Variants in WIPI2 observed in about 807,000 individuals in gnomAD.
The protein encoded by WIPI2 is WD repeat domain phosphoinositide-interacting protein 2.
A neutral mutation model predicts 52.3 loss-of-function variants in WIPI2; 28 were observed. That is an observed-to-expected ratio of 0.54 (90% CI 0.40 to 0.73). The LOEUF (loss-of-function observed/expected upper bound fraction) is 0.73. Among genes scored for constraint, WIPI2 ranks in the 30% least tolerant of loss-of-function variants. The probability of loss-of-function intolerance (pLI) is 0.00; values close to 1 mark genes in which losing one functional copy is unlikely to be tolerated. For synonymous variants in WIPI2, 268 were observed against 245.0 expected (o/e 1.09, Z -0.88); for missense variants, 506 against 602.9 (o/e 0.84, Z 1.68).
Position 5,230,748 on chromosome 7 carries a change from G to A in WIPI2, c.1253-87G>A. 3.2e-6 allele frequency: 3 copies of A among 936,278 alleles called. No individual in the cohort carries two copies. Among genetic ancestry groups the A allele is most frequent in the South Asian group, 3.7e-5 (2 of 54,658 alleles). 58.0% of individuals were successfully genotyped at this position (936,278 alleles called of 1,614,324 possible). On this transcript the variant is annotated intron_variant, in intron 12 of 12. Coordinates refer to ENST00000288828, the MANE Select transcript of WIPI2 (RefSeq NM_015610.4). This position sits in a 1 kb window ranked among gnomAD's most constrained non-coding sequence, Gnocchi z 4.8. ...CTTCAGTTTATAAATATACACCAGT[G>A]TTTCCAAAACACAGTCCTCAGTGTG...
intron 3 of WIPI2, among the ~76,000 whole-genome samples, chr7:5,211,559 C>T (rs372131855): frequency 6.8e-4 from 104 of 152,334 alleles, no homozygotes; most frequent in African/African-American, 2.5e-3. Flanking sequence ...GAAACCTTAC[C>T]TAGCAGGTGA....
At chr7:5,223,414 C>T (rs769857277) in intron 8 of WIPI2, among the ~76,000 whole-genome samples, 2 of 152,184 alleles carry the variant, frequency 1.3e-5, no homozygotes, top group Non-Finnish European at 2.9e-5. Flanking sequence ...GCCATCTGGT[C>T]CCCTTTCCTC....
intron 3 of WIPI2, 86 bp from the exon 4 acceptor site, chr7:5,214,449 C>T: frequency 6.2e-7 from 1 of 1,613,364 alleles, no homozygotes; most frequent in Non-Finnish European, 8.5e-7. Flanking sequence ...GTCGCCCAGG[C>T]AGGTGTTTGT....
At chr7:5,215,540 G>C (rs1184119239) in intron 4 of WIPI2, among the ~76,000 whole-genome samples, 1 of 152,216 alleles carries the variant, frequency 6.6e-6, no homozygotes, top group Non-Finnish European at 1.5e-5. Context: ...CTGGCAATCT[G>C]ATTCTGCCCG....
intron 4 of WIPI2, 150 bp downstream of exon 4, chr7:5,214,854 C>A (rs1221382399): frequency 1.9e-5 from 17 of 889,220 alleles, no homozygotes; most frequent in African/African-American, 1.7e-4. Context: ...GAGACCAGCT[C>A]TGTTTCCTCA....
chr7:5,203,072 A>G (rs1372001203), intron 3 of WIPI2, among the ~76,000 whole-genome samples: 2 of 152,188 alleles, frequency 1.3e-5, no homozygotes, highest in Admixed American at 1.3e-4. Flanking sequence ...TGCGTTGATT[A>G]TGGAAGTGTA....
intron 3 of WIPI2, among the ~76,000 whole-genome samples, chr7:5,209,499 T>C (rs1782451868): frequency 6.6e-6 from 1 of 152,246 alleles, no homozygotes; most frequent in Non-Finnish European, 1.5e-5. Context: ...CTACCATGAA[T>C]GAGCATTGCA....
chr7:5,202,330 C>G (rs989913557), intron 3 of WIPI2, among the ~76,000 whole-genome samples: 1 of 152,174 alleles, frequency 6.6e-6, no homozygotes, highest in African/African-American at 2.4e-5. Context: ...TAATTTCAAA[C>G]TTGAAAGTTG....
rs1267451697 is a variant in WIPI2, at chr7:5,227,525, C to T, written c.1013+181C>T. ...CAGGCACTAGGCTTGCCGCTCTGTG[C>T]GGGGGTCCATTTCCAGACGGGCTCC... On this transcript the variant is annotated intron_variant, in intron 10 of 12. Coordinates refer to ENST00000288828, the MANE Select transcript of WIPI2 (RefSeq NM_015610.4). This position sits in a 1 kb window ranked among gnomAD's most constrained non-coding sequence, Gnocchi z 8.1. Among the ~76,000 whole-genome samples, 2 of 152,154 alleles carry T rather than the reference C, an allele frequency of 1.3e-5. No individual in the cohort carries two copies. The highest frequency in any genetic ancestry group is 2.9e-5 in the Non-Finnish European group (2 of 68,032).
At chr7:5,205,452 C>T (rs945999103) in intron 3 of WIPI2, among the ~76,000 whole-genome samples, 14 of 152,178 alleles carry the variant, frequency 9.2e-5, no homozygotes, top group African/African-American at 2.9e-4. Flanking sequence ...ATGGTTTCAG[C>T]GACGTTAGAG....
At chr7:5,208,504 G>GTT (rs998727267) in intron 3 of WIPI2, among the ~76,000 whole-genome samples, 1 of 151,450 alleles carries the variant, frequency 6.6e-6, no homozygotes, top group Admixed American at 6.6e-5. Context: ...TCAGGAAGGT[G>GTT]TTTTCCTATG....
rs145267736 is a variant in WIPI2, at chr7:5,219,626, C to CAA, written c.669+1615_669+1616dup. ...CAAGAATCTTGCGGTCATGTGGCAACAAAACAACTCTTAATTAATTAGTAT... is the reference window on the plus strand; with the variant it reads ...CAAGAATCTTGCGGTCATGTGGCAACAAAAAACAACTCTTAATTAATTAGTAT... On this transcript the variant is annotated intron_variant, in intron 7 of 12. Coordinates refer to ENST00000288828, the MANE Select transcript of WIPI2 (RefSeq NM_015610.4). Among the ~76,000 whole-genome samples, 328 of 152,288 alleles carry CAA rather than the reference C, an allele frequency of 2.2e-3. 2 individuals carry two copies. Among genetic ancestry groups the CAA allele is most frequent in the African/African-American group, 7.6e-3 (314 of 41,550 alleles).
At chr7:5,197,893 C>T (rs916698714) in intron 2 of WIPI2, among the ~76,000 whole-genome samples, 3 of 152,162 alleles carry the variant, frequency 2.0e-5, no homozygotes, top group African/African-American at 7.2e-5. Context: ...GTTCGCTCAT[C>T]TTTCTTCTGC....
At chr7:5,203,149 G>A (rs1031029638) in intron 3 of WIPI2, among the ~76,000 whole-genome samples, 4 of 152,090 alleles carry the variant, frequency 2.6e-5, no homozygotes, top group East Asian at 1.9e-4. Context: ...TTTACTTTAC[G>A]GGCCATCATC....
At chr7:5,195,770 G>C (rs1346812135) in intron 2 of WIPI2, among the ~76,000 whole-genome samples, 1 of 152,128 alleles carries the variant, frequency 6.6e-6, no homozygotes, top group Non-Finnish European at 1.5e-5. Flanking sequence ...GGCCAGGCAC[G>C]GTGGTCACGC....
intron 3 of WIPI2, among the ~76,000 whole-genome samples, chr7:5,203,350 C>G (rs867418907): frequency 1.3e-5 from 2 of 152,216 alleles, no homozygotes; most frequent in African/African-American, 4.8e-5. Context: ...GGCGGAGCCG[C>G]AGACACACAC....
Position 5,226,974 on chromosome 7 carries a change from G to A in WIPI2, c.849-206G>A, listed in dbSNP as rs1016002774. 1.3e-4 allele frequency: 82 copies of A among 618,046 alleles called. No homozygotes were observed. In the African/African-American group the frequency reaches 1.4e-3, roughly 10 times the overall value. The allele number at this position is 618,046 out of a possible 1,614,324, so 38.3% of individuals were successfully genotyped here. A position where few individuals can be genotyped will look rare whatever the true frequency, so the allele number is the denominator to read the frequency against. On this transcript the variant is annotated intron_variant, in intron 9 of 12. Transcript: ENST00000288828. ...GCTGTAGCTCCTCCCTGAAGCCTGA[G>A]CACCCCTCCCCCGACACCTCCCAGA... is the stretch of plus-strand genomic sequence containing the variant.
intron 3 of WIPI2, among the ~76,000 whole-genome samples, chr7:5,208,373 C>A (rs1017063394): frequency 6.7e-6 from 1 of 148,412 alleles, no homozygotes; most frequent in Admixed American, 6.7e-5. Context: ...TGCCTGTTTT[C>A]TTTCTTTGAG....
intron 3 of WIPI2, among the ~76,000 whole-genome samples, chr7:5,211,854 G>A (rs4720528): frequency 0.94 from 143,412 of 152,202 alleles, 67,601 homozygotes; most frequent in Admixed American, 0.96. Flanking sequence ...TGTTAAACTC[G>A]CCTTCCTGCA....
Sources: allele counts gnomAD v4.1 joint callset (sites outside exome capture counted in the v4.1 genomes callset), GRCh38; gene constraint gnomAD v4.1.1; non-coding constraint Gnocchi (gnomAD v3.1); transcripts MANE v1.5; gene names NCBI Gene and HGNC (gene_info 2026-07-23, HGNC 2026-07-21).